The following FCHO2 variants were observed in gnomAD, a reference collection of about 807,000 sequenced individuals.
FCHO2 encodes FCH and mu domain containing endocytic adaptor 2, also known as F-BAR domain only protein 2.
FCHO2 carries 43 observed loss-of-function variants against 114.1 expected under a neutral mutation model. The observed-to-expected ratio is 0.38, with a 90% CI of 0.30 to 0.49. The LOEUF (loss-of-function observed/expected upper bound fraction) is 0.49. Ranked by LOEUF, FCHO2 falls within the 20% of genes least tolerant of loss-of-function variation. FCHO2 has a pLI of 0.97. For missense variants in FCHO2, 807 were observed against 950.4 expected, an observed-to-expected ratio of 0.85 and a Z score of 1.98; for synonymous variants, 293 against 315.2, an observed-to-expected ratio of 0.93 and a Z score of 0.75.
chr5:73,060,055 C>G (rs984476202), intron 17 of FCHO2, among the ~76,000 whole-genome samples: 2 of 151,788 alleles, frequency 1.3e-5, no homozygotes, highest in African/African-American at 4.8e-5. Flanking sequence ...CTCATTGTTT[C>G]TTGATATTTT....
chr5:72,983,329 A>G (rs1055365138), intron 2 of FCHO2, among the ~76,000 whole-genome samples: 1 of 152,068 alleles, frequency 6.6e-6, no homozygotes, highest in African/African-American at 2.4e-5. Context: ...CTACATATCT[A>G]CATTAGGTAT....
At chr5:72,956,316 C>T (rs1199279967) in intron 1 of FCHO2, among the ~76,000 whole-genome samples, 187 bp downstream of exon 1, 1 of 151,768 alleles carries the variant, frequency 6.6e-6, no homozygotes, top group Non-Finnish European at 1.5e-5. Flanking sequence ...CCCGGGCTCG[C>T]AGCCCTATGG....
At chr5:73,010,924 C>T (rs375606288) in intron 6 of FCHO2, among the ~76,000 whole-genome samples, 4 of 141,222 alleles carry the variant, frequency 2.8e-5, no homozygotes, top group South Asian at 2.5e-4. Context: ...CTTACTTACA[C>T]ATACCTAGAT....
At chr5:73,054,979 C>A in intron 15 of FCHO2, 1 of 238,484 alleles carries the variant, frequency 4.2e-6, no homozygotes, top group Admixed American at 4.6e-5. Context: ...GTGCTAATAC[C>A]TTTTGCAGAA....
At position 73,007,755 on chromosome 5, in the gene FCHO2, A is replaced by G. The variant is rs570495663; in HGVS notation, c.600+1206A>G. 2.6e-5 allele frequency among the ~76,000 whole-genome samples: 4 copies of G among 152,342 alleles called. No individual in the cohort carries two copies. In the South Asian group the frequency reaches 8.3e-4, roughly 32 times the overall value. ...TGAGATGGTGTTTACAGTATAGAGG[A>G]GGGAGGCAGACATTAAATACATGCT... On this transcript the variant is annotated intron_variant, in intron 6 of 25. Transcript: ENST00000430046.
At chr5:73,001,448 C>CAAAAAAAAA (rs1215202339) in intron 5 of FCHO2, among the ~76,000 whole-genome samples, 4 of 65,526 alleles carry the variant, frequency 6.1e-5, no homozygotes, top group Admixed American at 1.9e-4. Flanking sequence ...GATCCTGTCT[C>CAAAAAAAAA]AAAAAAAAAA....
At chr5:72,993,774 ATCTTTTAGTG>A (rs1753932739) in intron 5 of FCHO2, among the ~76,000 whole-genome samples, 1 of 152,218 alleles carries the variant, frequency 6.6e-6, no homozygotes, top group African/African-American at 2.4e-5. Flanking sequence ...TTTTCTGAAA[ATCTTTTAGTG>A]ATACCTTTTG....
intron 11 of FCHO2, among the ~76,000 whole-genome samples, chr5:73,048,052 G>T (rs1023928588): frequency 2.7e-5 from 4 of 150,300 alleles, no homozygotes; most frequent in Non-Finnish European, 5.9e-5. Flanking sequence ...CAGCTCTACT[G>T]CTGGTCTCGA....
chr5:73,085,326 C>T (rs187274212), intron 24 of FCHO2, among the ~76,000 whole-genome samples: 98 of 151,762 alleles, frequency 6.5e-4, no homozygotes, highest in African/African-American at 2.0e-3. Flanking sequence ...TCCAGCCTGG[C>T]GCAGAGACTC....
chr5:73,077,826 G>T (rs1742963745), intron 21 of FCHO2, among the ~76,000 whole-genome samples: 1 of 152,048 alleles, frequency 6.6e-6, no homozygotes, highest in Admixed American at 6.6e-5. Context: ...CTCCAGCCTT[G>T]GTGACAGAGC....
chr5:73,008,942 G>A (rs1754855835), intron 6 of FCHO2, among the ~76,000 whole-genome samples: 1 of 152,148 alleles, frequency 6.6e-6, no homozygotes. Flanking sequence ...TTTTGAATAA[G>A]GATTATCAGA....
chr5:73,042,467 A>G (rs766689522), intron 11 of FCHO2, among the ~76,000 whole-genome samples: 10 of 152,186 alleles, frequency 6.6e-5, no homozygotes, highest in Non-Finnish European at 1.3e-4. Context: ...CCTTTTAAAT[A>G]AAACATTTTT....
At chr5:73,021,126 C>G (rs1580117516) in intron 8 of FCHO2, 1 of 783,528 alleles carries the variant, frequency 1.3e-6, no homozygotes, top group East Asian at 2.4e-5. Context: ...GTTCTGGAAT[C>G]CTCAGGAAAT....
chr5:72,998,404 G>A (rs181087405), intron 5 of FCHO2, among the ~76,000 whole-genome samples: 1,732 of 151,852 alleles, frequency 0.011, 33 homozygotes, highest in Non-Finnish European at 0.016. Context: ...GGAGAATGGC[G>A]TGAACCTGGG....
intron 24 of FCHO2, among the ~76,000 whole-genome samples, chr5:73,084,383 A>G (rs1483246784): frequency 6.6e-6 from 1 of 152,142 alleles, no homozygotes. Flanking sequence ...CTCCTGCCTC[A>G]GCCTCCCGAG....
chr5:73,007,986 G>A (rs914697602), intron 6 of FCHO2, among the ~76,000 whole-genome samples: 1 of 152,044 alleles, frequency 6.6e-6, no homozygotes, highest in African/African-American at 2.4e-5. Flanking sequence ...TGAGTATGAA[G>A]GCCCAGAGGG....
chr5:73,073,894 T>A (rs964516064), intron 19 of FCHO2, among the ~76,000 whole-genome samples: 1 of 152,114 alleles, frequency 6.6e-6, no homozygotes, highest in Non-Finnish European at 1.5e-5. Flanking sequence ...CAAACTCTCA[T>A]ATATTTTTAT....
chr5:72,971,705 A>G lies in FCHO2; in HGVS notation c.125+3116A>G, dbSNP rs1474337124. On this transcript the variant is annotated intron_variant, in intron 2 of 25. Coordinates refer to ENST00000430046, the MANE Select transcript of FCHO2 (RefSeq NM_138782.3). Reference sequence around the variant, plus strand: ...TGCTGTGCAGAAGCTCTTGAGTTTAATTAGTCCCATTTGTCAATTTTGGCT... The same window carrying G: ...TGCTGTGCAGAAGCTCTTGAGTTTAGTTAGTCCCATTTGTCAATTTTGGCT... Among the ~76,000 whole-genome samples, 3 of 152,156 alleles carry G rather than the reference A, an allele frequency of 2.0e-5. No individual in the cohort carries two copies. In the East Asian group the frequency reaches 5.8e-4, roughly 29 times the overall value.
chr5:72,970,617 A>G (rs374532023), intron 2 of FCHO2, among the ~76,000 whole-genome samples: 1 of 151,958 alleles, frequency 6.6e-6, no homozygotes, highest in Non-Finnish European at 1.5e-5. Context: ...TCTTTTTCAC[A>G]GGGTATCAGT....
Sources: allele counts gnomAD v4.1 joint callset (sites outside exome capture counted in the v4.1 genomes callset), GRCh38; gene constraint gnomAD v4.1.1; transcripts MANE v1.5; gene names NCBI Gene and HGNC (gene_info 2026-07-23, HGNC 2026-07-21).